The following NUP62CL variants were observed in gnomAD, a reference collection of about 807,000 sequenced individuals.
NUP62CL encodes nucleoporin-62 C-terminal-like protein.
NUP62CL carries 13 observed loss-of-function variants against 15.3 expected under a neutral mutation model. That is an observed-to-expected ratio of 0.85 (90% CI 0.55 to 1.35). The LOEUF (loss-of-function observed/expected upper bound fraction) is 1.35, where lower values mean the gene tolerates loss of function less well. Ranked by LOEUF, NUP62CL falls within the 40% of genes most tolerant of loss-of-function variation. The pLI is 0.00. For synonymous variants in NUP62CL, 54 were observed against 49.2 expected, an observed-to-expected ratio of 1.10 and a Z score of -0.41; for missense variants, 123 against 130.6, an observed-to-expected ratio of 0.94 and a Z score of 0.28.
intron 8 of NUP62CL, among the ~76,000 whole-genome samples, chrX:107,142,703 G>T (rs897150746): frequency 9.0e-6 from 1 of 111,674 alleles, no homozygotes; most frequent in Admixed American, 9.5e-5. Context: ...CTCTCTAAGA[G>T]AAGTAGCACC....
intron 2 of NUP62CL, among the ~76,000 whole-genome samples, chrX:107,184,839 G>A (rs1927014626): frequency 9.0e-6 from 1 of 111,170 alleles, no homozygotes; most frequent in Non-Finnish European, 1.9e-5. Context: ...CTTGAAAGCA[G>A]TAAGAGAAAA....
intron 2 of NUP62CL, 144 bp from the exon 3 acceptor site, chrX:107,175,337 C>A: frequency 2.5e-6 from 1 of 397,864 alleles, no homozygotes; most frequent in Non-Finnish European, 4.4e-6. Flanking sequence ...ATCAATAAGA[C>A]AGAGTAAAAG....
intron 8 of NUP62CL, among the ~76,000 whole-genome samples, chrX:107,142,832 T>C (rs1925804792): frequency 1.8e-5 from 2 of 112,096 alleles, no homozygotes; most frequent in Non-Finnish European, 1.9e-5. Flanking sequence ...GACAGATGTG[T>C]GACTGCAGCA....
chrX:107,156,501 C>A (rs1926197009), intron 4 of NUP62CL, among the ~76,000 whole-genome samples: 2 of 105,743 alleles, frequency 1.9e-5, no homozygotes, highest in Admixed American at 2.0e-4. Context: ...AACTGGGAGG[C>A]ACCCCCCAGC....
intron 4 of NUP62CL, among the ~76,000 whole-genome samples, chrX:107,162,656 CAA>C (rs1926416258): frequency 8.9e-6 from 1 of 111,874 alleles, no homozygotes; most frequent in Admixed American, 9.4e-5. Context: ...TATTCTCACA[CAA>C]AGTCAATTCA....
chrX:107,162,276 C>T (rs1191473606), intron 4 of NUP62CL, among the ~76,000 whole-genome samples: 1 of 108,998 alleles, frequency 9.2e-6, no homozygotes, highest in Non-Finnish European at 1.9e-5. Flanking sequence ...AATAAGAGCT[C>T]CAGAAAGAGA....
rs754233182 is a variant in NUP62CL, at chrX:107,187,216, GCATTAAATGTA to G, written c.-48+5802_-48+5812del. Among the ~76,000 whole-genome samples the G allele has an allele frequency of 7.9e-3, 875 of 110,920 alleles. 9 individuals carry two copies. Among genetic ancestry groups the G allele is most frequent in the Non-Finnish European group, 0.012 (634 of 53,005 alleles). On this transcript the variant is annotated intron_variant, in intron 2 of 8. Transcript: ENST00000372466. ...AGCAGTACAGACAGGGTAAGTTACA[GCATTAAATGTA>G]CACATTAGAAAAGAAGAAAAATCTA... is the stretch of plus-strand genomic sequence containing the variant.
At chrX:107,183,361 C>T (rs1418161204) in intron 2 of NUP62CL, among the ~76,000 whole-genome samples, 1 of 110,413 alleles carries the variant, frequency 9.1e-6, no homozygotes, top group East Asian at 2.8e-4. Flanking sequence ...CTTTGGGAGG[C>T]TGAGGTGGGA....
At chrX:107,179,578 G>A (rs955447258) in intron 2 of NUP62CL, among the ~76,000 whole-genome samples, 6 of 111,981 alleles carry the variant, frequency 5.4e-5, no homozygotes, top group African/African-American at 1.6e-4. Context: ...TATCACAAAC[G>A]ATATGATTTC....
intron 8 of NUP62CL, among the ~76,000 whole-genome samples, chrX:107,138,389 C>T (rs991463532): frequency 1.8e-5 from 2 of 111,369 alleles, no homozygotes; most frequent in Non-Finnish European, 3.8e-5. Context: ...CTACAGACTG[C>T]GAGAAAATAT....
rs149337095 is a variant in NUP62CL at position 107,194,214 on chromosome X, T to C, written c.-91-1142A>G. Among the ~76,000 whole-genome samples the C allele has an allele frequency of 3.7e-4, 41 of 110,558 alleles. 1 individual carries two copies. The highest frequency in any genetic ancestry group is 1.1e-3 in the African/African-American group (35 of 30,477). On this transcript the variant is annotated intron_variant, in intron 1 of 8. Coordinates refer to ENST00000372466, the MANE Select transcript of NUP62CL (RefSeq NM_017681.3). ...TGAATTTCCTAGAACTGAAGAAAAATTAGTTCTCAGATTTAAAAAGCCACC... is the reference window on the plus strand; with the variant it reads ...TGAATTTCCTAGAACTGAAGAAAAACTAGTTCTCAGATTTAAAAAGCCACC...
At chrX:107,127,827 C>A (rs1925424530) in intron 8 of NUP62CL, among the ~76,000 whole-genome samples, 1 of 111,224 alleles carries the variant, frequency 9.0e-6, no homozygotes, top group South Asian at 3.7e-4. Context: ...CACAAATAGG[C>A]AACTTATAAA....
At chrX:107,170,263 A>G (rs185033429) in intron 3 of NUP62CL, among the ~76,000 whole-genome samples, 3 of 111,753 alleles carry the variant, frequency 2.7e-5, no homozygotes, top group African/African-American at 9.7e-5. Context: ...AATTTAATGT[A>G]TGTATATGCT....
chrX:107,170,959 C>T (rs1202733481), intron 3 of NUP62CL, among the ~76,000 whole-genome samples: 1 of 111,989 alleles, frequency 8.9e-6, no homozygotes, highest in Admixed American at 9.5e-5. Flanking sequence ...AAACTACACA[C>T]TAAATTTGAA....
rs932682512 is a variant in NUP62CL at position 107,206,423 on chromosome X, TA to T, written c.-243del. The T allele has an allele frequency of 1.8e-5, 2 of 110,080 alleles. No individual in the cohort carries two copies. The highest frequency in any genetic ancestry group is 6.6e-5 in the African/African-American group (2 of 30,178). 9.1% of individuals were successfully genotyped at this position (110,080 alleles called of 1,213,427 possible). On this transcript the variant is annotated 5_prime_UTR_variant, in exon 1 of 9. Transcript: ENST00000372466. The stretch of plus-strand genomic sequence containing the variant: ...GGGCAGGTTCCCGCTGAAGTGAAGC[TA>T]ACCGAGACTGAGGCTTAAAAGGGGT...
intron 8 of NUP62CL, among the ~76,000 whole-genome samples, chrX:107,127,970 T>C (rs1056649211): frequency 8.9e-6 from 1 of 112,079 alleles, no homozygotes; most frequent in Non-Finnish European, 1.9e-5. Context: ...GTGGTGGTGG[T>C]GGTAGTAATT....
chrX:107,161,735 C>A (rs1280717129), intron 4 of NUP62CL, among the ~76,000 whole-genome samples: 1 of 94,682 alleles, frequency 1.1e-5, no homozygotes, highest in African/African-American at 4.0e-5. Flanking sequence ...TGTAACTAAC[C>A]TGCACAATGT....
chrX:107,177,948 A>C (rs1367950838), intron 2 of NUP62CL, among the ~76,000 whole-genome samples: 1 of 111,697 alleles, frequency 9.0e-6, no homozygotes, highest in Non-Finnish European at 1.9e-5. Context: ...AGGTAGAAAC[A>C]ATCCAAATGC....
At chrX:107,182,552 T>C (rs1926944624) in intron 2 of NUP62CL, among the ~76,000 whole-genome samples, 2 of 100,984 alleles carry the variant, frequency 2.0e-5, no homozygotes, top group Non-Finnish European at 3.9e-5. Context: ...AGAATAGAGG[T>C]AGTGACCTTA....
Sources: allele counts gnomAD v4.1 joint callset (sites outside exome capture counted in the v4.1 genomes callset), GRCh38; gene constraint gnomAD v4.1.1; transcripts MANE v1.5; gene names NCBI Gene and HGNC (gene_info 2026-07-23, HGNC 2026-07-21).